Variants in SLC44A1 observed in about 807,000 individuals in gnomAD.
SLC44A1 encodes solute carrier family 44 member 1.
A neutral mutation model predicts 79.3 loss-of-function variants in SLC44A1; 26 were observed. The ratio of observed to expected loss-of-function variants is 0.33; its 90% CI spans 0.24 to 0.46. The LOEUF (loss-of-function observed/expected upper bound fraction) is 0.46. Ranked by LOEUF, SLC44A1 falls within the 20% of genes least tolerant of loss-of-function variation. The pLI, the probability that SLC44A1 is intolerant of heterozygous loss-of-function variation, is 1.00. For synonymous variants in SLC44A1, 263 were observed against 286.2 expected, an observed-to-expected ratio of 0.92 and a Z score of 0.82; for missense variants, 688 against 798.1, an observed-to-expected ratio of 0.86 and a Z score of 1.66.
chr9:105,398,949 G>T (rs562841307), downstream of SLC44A1, among the ~76,000 whole-genome samples: 4 of 152,012 alleles, frequency 2.6e-5, no homozygotes, highest in Admixed American at 2.6e-4. Context: ...AAAAAAAATC[G>T]CACACACAAA....
intron 15 of SLC44A1, among the ~76,000 whole-genome samples, chr9:105,416,434 A>G (rs1222874838): frequency 6.6e-6 from 1 of 152,110 alleles, no homozygotes; most frequent in Non-Finnish European, 1.5e-5. Context: ...TCAGTGTAGC[A>G]ATAGAAGTGT....
chr9:105,259,501 G>A (rs1298735523), intron 1 of SLC44A1, among the ~76,000 whole-genome samples: 1 of 152,160 alleles, frequency 6.6e-6, no homozygotes, highest in Non-Finnish European at 1.5e-5. Context: ...CGAAGGCAGA[G>A]ATTCCTACCA....
chr9:105,385,643 G>A, intron 15 of SLC44A1, 141 bp downstream of exon 15: 1 of 1,429,498 alleles, frequency 7.0e-7, no homozygotes, highest in African/African-American at 1.4e-5. Context: ...TTCTGTTTGT[G>A]TGCTTACCCA....
At chr9:105,295,705 A>G (rs1245997111) in intron 1 of SLC44A1, among the ~76,000 whole-genome samples, 2 of 152,132 alleles carry the variant, frequency 1.3e-5, no homozygotes, top group Non-Finnish European at 1.5e-5. Flanking sequence ...AACTAGTACA[A>G]ATAAAAAATA....
intron 1 of SLC44A1, among the ~76,000 whole-genome samples, chr9:105,292,530 C>T (rs1588742596): frequency 1.3e-5 from 2 of 152,194 alleles, no homozygotes; most frequent in Admixed American, 1.3e-4. Context: ...TCTTATTTAG[C>T]AGTCAATATT....
At chr9:105,381,916 T>C (rs1455432453) in intron 13 of SLC44A1, among the ~76,000 whole-genome samples, 1 of 152,248 alleles carries the variant, frequency 6.6e-6, no homozygotes, top group African/African-American at 2.4e-5. Context: ...CTGCCTATTA[T>C]TCTTAATGCT....
At chr9:105,272,568 G>A (rs1043102912) in intron 1 of SLC44A1, among the ~76,000 whole-genome samples, 11 of 150,166 alleles carry the variant, frequency 7.3e-5, no homozygotes, top group African/African-American at 2.4e-4. Flanking sequence ...AAAAAAAGCC[G>A]TATGTATTAG....
chr9:105,286,652 C>A (rs7048497), intron 1 of SLC44A1, among the ~76,000 whole-genome samples: 6,259 of 152,250 alleles, frequency 0.041, 435 homozygotes, highest in African/African-American at 0.14. Context: ...ATTACGAACT[C>A]AAATGGGTTG....
chr9:105,380,828 T>G (rs892561164), intron 13 of SLC44A1, among the ~76,000 whole-genome samples: 3 of 152,192 alleles, frequency 2.0e-5, no homozygotes, highest in African/African-American at 7.2e-5. Flanking sequence ...TGCAAACTAC[T>G]GGGCTTTATC....
At chr9:105,425,856 T>G (rs1829316405) in intron 15 of SLC44A1, among the ~76,000 whole-genome samples, 1 of 151,974 alleles carries the variant, frequency 6.6e-6, no homozygotes, top group African/African-American at 2.4e-5. Context: ...CCCTGTATAT[T>G]TGGGAGCCTT....
exon 16 of SLC44A1, chr9:105,438,353 C>T: frequency 1.4e-6 from 2 of 1,383,116 alleles, no homozygotes; most frequent in South Asian, 1.2e-5. Context: ...TGAGGTTCTC[C>T]CACTCACCAG....
intron 4 of SLC44A1, among the ~76,000 whole-genome samples, chr9:105,348,155 T>C (rs907662878): frequency 3.6e-4 from 55 of 152,206 alleles, no homozygotes; most frequent in African/African-American, 1.3e-3. Context: ...TAATTAAAAT[T>C]TGTACATGAA....
chr9:105,270,361 C>G (rs986250586), intron 1 of SLC44A1, among the ~76,000 whole-genome samples: 3 of 152,122 alleles, frequency 2.0e-5, no homozygotes, highest in African/African-American at 7.2e-5. Flanking sequence ...TGCTTAGCTG[C>G]CTACAGTTCT....
intron 1 of SLC44A1, among the ~76,000 whole-genome samples, chr9:105,281,689 G>A (rs1830356664): frequency 6.6e-6 from 1 of 152,164 alleles, no homozygotes; most frequent in African/African-American, 2.4e-5. Context: ...CTACTAGCTG[G>A]TCATTTCGTA....
rs180710793 is a variant in SLC44A1 at position 105,327,013 on chromosome 9, C to G, written c.270-8550C>G. The stretch of plus-strand genomic sequence containing the variant: ...GGATTCCAAACCAGAATGTCCTAAC[C>G]GTTTAGTCTGAGATGCTAAGCATTA... On this transcript the variant is annotated intron_variant, in intron 3 of 15. Coordinates refer to ENST00000374720, the MANE Select transcript of SLC44A1 (RefSeq NM_080546.5). 1.9e-3 allele frequency among the ~76,000 whole-genome samples: 287 copies of G among 152,262 alleles called. 1 individual carries two copies. Among genetic ancestry groups the G allele is most frequent in the Non-Finnish European group, 2.6e-3 (178 of 68,012 alleles).
chr9:105,422,897 G>A (rs1360724595), intron 15 of SLC44A1, among the ~76,000 whole-genome samples: 1 of 152,144 alleles, frequency 6.6e-6, no homozygotes, highest in East Asian at 1.9e-4. Flanking sequence ...AGTCACTCAT[G>A]TTAAAAACTC....
chr9:105,343,739 T>C (rs1312079564), intron 4 of SLC44A1, among the ~76,000 whole-genome samples: 1 of 151,992 alleles, frequency 6.6e-6, no homozygotes, highest in Non-Finnish European at 1.5e-5. Context: ...ACCCATTAAG[T>C]ATGCATCAGA....
At chr9:105,360,034 A>G (rs1827733955) in intron 7 of SLC44A1, among the ~76,000 whole-genome samples, 1 of 152,148 alleles carries the variant, frequency 6.6e-6, no homozygotes. Context: ...TTTCACTGTG[A>G]CCTACAAGGC....
At position 105,371,456 on chromosome 9, in the gene SLC44A1, G is replaced by A. The variant is rs545056210; in HGVS notation, c.1495-3142G>A. On this transcript the variant is annotated intron_variant, in intron 12 of 15. Transcript: ENST00000374720. Reference sequence around the variant, plus strand: ...CAAAAGTAATTGGCAGGCCAGGTGCGGTGGCTCACGCCTGTAATCCCAGCA... The same window carrying A: ...CAAAAGTAATTGGCAGGCCAGGTGCAGTGGCTCACGCCTGTAATCCCAGCA... 1.4e-4 allele frequency among the ~76,000 whole-genome samples: 21 copies of A among 152,104 alleles called. No homozygotes were observed. In the East Asian group the frequency reaches 3.7e-3, roughly 27 times the overall value.
Sources: gnomAD v4.1 joint callset for allele counts (sites outside exome capture counted in the v4.1 genomes callset) on GRCh38, gnomAD v4.1.1 for gene constraint, MANE v1.5 for transcripts, NCBI Gene and HGNC (gene_info 2026-07-23, HGNC 2026-07-21) for gene names.